The following PKD1L3 variants were observed in gnomAD, a reference collection of about 807,000 sequenced individuals.
PKD1L3 encodes polycystin 1 like 3, transient receptor potential channel interacting.
PKD1L3 carries 239 observed loss-of-function variants against 184.1 expected under a neutral mutation model. The ratio of observed to expected loss-of-function variants is 1.30; its 90% CI spans 1.17 to 1.45. The LOEUF (loss-of-function observed/expected upper bound fraction) is 1.45, where lower values mean the gene tolerates loss of function less well. PKD1L3 is among the 40% of genes most tolerant of loss of function. PKD1L3 has a pLI of 0.00. For missense variants in PKD1L3, 2,660 were observed against 2,067.2 expected, an observed-to-expected ratio of 1.29 and a Z score of -5.56; for synonymous variants, 996 against 778.8, an observed-to-expected ratio of 1.28 and a Z score of -4.64.
intron 3 of PKD1L3, among the ~76,000 whole-genome samples, chr16:71,991,626 C>G (rs562066978): frequency 2.6e-5 from 4 of 152,224 alleles, no homozygotes; most frequent in South Asian, 4.1e-4. Context: ...AGGAAAGACA[C>G]AGAGGGTAGG....
At chr16:71,973,663 G>GGAT in intron 11 of PKD1L3, 146 bp from the exon 12 acceptor site, 1 of 807,420 alleles carries the variant, frequency 1.2e-6, no homozygotes, top group Non-Finnish European at 1.9e-6. Context: ...AAAATGACCA[G>GGAT]TGATACAACC....
intron 3 of PKD1L3, 111 bp from the exon 4 acceptor site, chr16:71,990,440 T>A: frequency 2.2e-6 from 2 of 929,494 alleles, no homozygotes; most frequent in Non-Finnish European, 3.2e-6. Flanking sequence ...TTGTTTTACA[T>A]AGAAAACCAA....
intron 2 of PKD1L3, among the ~76,000 whole-genome samples, chr16:71,994,714 A>C (rs372152683): frequency 6.6e-6 from 1 of 152,038 alleles, no homozygotes; most frequent in Non-Finnish European, 1.5e-5. Flanking sequence ...TACAATGTTA[A>C]CAGGCTGGGT....
intron 14 of PKD1L3, 23 bp downstream of exon 14, chr16:71,967,883 T>G: frequency 1.3e-6 from 2 of 1,532,552 alleles, no homozygotes; most frequent in Non-Finnish European, 1.8e-6. Flanking sequence ...CAAGGCAATG[T>G]GAAAAACATT....
chr16:71,985,256 A>G (rs1045824890), intron 5 of PKD1L3, among the ~76,000 whole-genome samples: 1 of 152,194 alleles, frequency 6.6e-6, no homozygotes, highest in Non-Finnish European at 1.5e-5. Flanking sequence ...TCTCCCCCAA[A>G]TAGAACACTG....
Position 71,978,184 on chromosome 16 carries a change from G to T in PKD1L3, c.1527+71C>A, listed in dbSNP as rs2040001794. On this transcript the variant is annotated intron_variant, in intron 10 of 29. Coordinates refer to ENST00000620267, the MANE Select transcript of PKD1L3 (RefSeq NM_181536.2). Reference sequence around the variant, plus strand: ...AATCTAACATAATTCCCTTTAAGTTGTTGCATCCTTCCATCCTGTTGCAGA... The same window carrying T: ...AATCTAACATAATTCCCTTTAAGTTTTTGCATCCTTCCATCCTGTTGCAGA... The T allele has an allele frequency of 5.4e-6, 8 of 1,469,764 alleles. No homozygotes were observed. In the Admixed American group the frequency reaches 1.3e-4, roughly 23 times the overall value. The allele number at this position is 1,469,764 out of a possible 1,614,324, so 91.0% of individuals were successfully genotyped here.
rs1008412900 is a variant in PKD1L3 at position 71,946,743 on chromosome 16, T to C, written c.3718+749A>G. ...GGGCAGGCAAACAATTCAGTTTAAT[T>C]TGACATACTTGGAGGCATCTAGCTC... On this transcript the variant is annotated intron_variant, in intron 22 of 29. Transcript: ENST00000620267. 1.7e-4 allele frequency among the ~76,000 whole-genome samples: 15 copies of C among 86,360 alleles called. No homozygotes were observed. In the Admixed American group the frequency reaches 1.9e-3, roughly 11 times the overall value. The allele number at this position is 86,360 out of a possible 152,430, so 56.7% of individuals were successfully genotyped here. A position where few individuals can be genotyped will look rare whatever the true frequency, so the allele number is the denominator to read the frequency against.
In PKD1L3 at chr16:71,984,107, T is replaced by A; in HGVS notation, c.895A>T (p.Lys299Ter). ...AGGAACTCACAAGCTTCCTGTAGTT[T>A]GTTAAGAGCTTGCAAACCATGAACT... ...RAVHGLQALN[K>*]LQEACEFLQK... The change falls in exon 6 of 30, where the codon AAA becomes TAA. Residue 299 changes from lysine (K) to a stop codon, truncating the protein, a stop_gained. Transcript: ENST00000620267. LOFTEE classifies it high-confidence loss of function. The A allele has an allele frequency of 6.4e-7, 1 of 1,552,162 alleles. No homozygotes were observed. Among genetic ancestry groups the A allele is most frequent in the Non-Finnish European group, 8.7e-7 (1 of 1,147,064 alleles).
In PKD1L3 at chr16:71,970,165, A is replaced by G. The variant is rs139194709; in HGVS notation, c.1954-60T>C. The stretch of plus-strand genomic sequence containing the variant: ...ACAGAGTGCTAAGGAGGGGACAGAC[A>G]TAAAACAAACACCAGCAATTTAGAG... On this transcript the variant is annotated intron_variant, in intron 12 of 29. Coordinates refer to ENST00000620267, the MANE Select transcript of PKD1L3 (RefSeq NM_181536.2). 459 of 1,340,288 alleles carry G rather than the reference A, an allele frequency of 3.4e-4. No individual in the cohort carries two copies. The African/African-American group carries it at 5.8e-3, about 17-fold the overall frequency. The allele number at this position is 1,340,288 out of a possible 1,614,324, so 83.0% of individuals were successfully genotyped here.
intron 4 of PKD1L3, among the ~76,000 whole-genome samples, chr16:71,988,027 T>G (rs1448385696): frequency 1.3e-5 from 2 of 151,940 alleles, no homozygotes; most frequent in Non-Finnish European, 2.9e-5. Flanking sequence ...AGATGTTATT[T>G]TTAATGAGGC....
intron 4 of PKD1L3, among the ~76,000 whole-genome samples, chr16:71,986,911 A>T (rs146121529): frequency 0.012 from 1,464 of 120,232 alleles, 30 homozygotes; most frequent in African/African-American, 0.053. Flanking sequence ...TGGTAAGGAG[A>T]GGATTTTTTT....
chr16:71,999,945 A>T lies in PKD1L3; in HGVS notation c.34T>A (p.Tyr12Asn). 6.5e-7 allele frequency: 1 copy of T among 1,535,128 alleles called. No individual in the cohort carries two copies. The highest frequency in any genetic ancestry group is 8.8e-7 in the Non-Finnish European group (1 of 1,134,658). The change falls in exon 1 of 30, where the codon TAC (tyrosine) becomes AAC (asparagine). Residue 12 changes from tyrosine to asparagine, a missense_variant. Tyr to Asn is a moderately radical substitution (Grantham distance 143). Coordinates refer to ENST00000620267, the MANE Select transcript of PKD1L3 (RefSeq NM_181536.2). Reference protein sequence around the residue: ...FFKGGSWLWLYIRTSIILGSE... With the variant: ...FFKGGSWLWLNIRTSIILGSE... ...CCTAGAATAATACTTGTTCTGATGT[A>T]TAACCAAAGCCAGCTTCCTCCTTTG... is the stretch of plus-strand genomic sequence containing the variant.
At chr16:71,968,817 A>G (rs569792367) in intron 13 of PKD1L3, among the ~76,000 whole-genome samples, 1 of 152,224 alleles carries the variant, frequency 6.6e-6, no homozygotes, top group Admixed American at 6.5e-5. Context: ...GCTGGTCTTG[A>G]ACTCTTGACC....
rs116897143 is a variant in PKD1L3 at position 71,988,214 on chromosome 16, A to C, written c.586-1745T>G. On this transcript the variant is annotated intron_variant, in intron 4 of 29. Transcript: ENST00000620267. Reference sequence around the variant, plus strand: ...ATTTGTAAATTTTTTTTTTGTTTTGAAATCGTGTCTCCTTCTGTCACCCAG... The same window carrying C: ...ATTTGTAAATTTTTTTTTTGTTTTGCAATCGTGTCTCCTTCTGTCACCCAG... 2.4e-3 allele frequency among the ~76,000 whole-genome samples: 363 copies of C among 151,892 alleles called. 3 individuals are homozygous for C. The highest frequency in any genetic ancestry group is 0.024 in the East Asian group (122 of 5,170).
At position 71,943,022 on chromosome 16, in the gene PKD1L3, G is replaced by A. The variant is rs948929350; in HGVS notation, c.3862C>T (p.Gln1288Ter). 5.8e-6 allele frequency: 9 copies of A among 1,546,510 alleles called. No homozygotes were observed. Among genetic ancestry groups the A allele is most frequent in the South Asian group, 1.2e-5 (1 of 83,814 alleles). Reference sequence around the variant, plus strand: ...ATCAACAGGGTAAGGAAGAGGATTTGTACTTGTTTAGAAGAGGAAAAAAAT... The same window carrying A: ...ATCAACAGGGTAAGGAAGAGGATTTATACTTGTTTAGAAGAGGAAAAAAAT... The part of the protein sequence containing the change: ...LFKLTGDILV[Q>*]ILFLTLLMTA... Residue 1288 changes from glutamine to a stop codon, truncating the protein, a stop_gained and splice_region_variant, in exon 24 of 30, where the codon CAA (glutamine) becomes TAA (stop). Coordinates refer to ENST00000620267, the MANE Select transcript of PKD1L3 (RefSeq NM_181536.2). LOFTEE classifies it high-confidence loss of function.
chr16:71,957,584 G>C (rs995701733), intron 16 of PKD1L3, among the ~76,000 whole-genome samples: 1 of 152,048 alleles, frequency 6.6e-6, no homozygotes, highest in Non-Finnish European at 1.5e-5. Flanking sequence ...GATCATTTGA[G>C]GTCAGGAGTT....
intron 12 of PKD1L3, among the ~76,000 whole-genome samples, chr16:71,972,760 C>G (rs2039765893): frequency 6.6e-6 from 1 of 152,176 alleles, no homozygotes; most frequent in African/African-American, 2.4e-5. Flanking sequence ...GAACAGCTTG[C>G]TGATTTGCAA....
intron 24 of PKD1L3, among the ~76,000 whole-genome samples, chr16:71,941,743 C>G (rs1385635363): frequency 3.3e-5 from 5 of 151,744 alleles, no homozygotes; most frequent in Non-Finnish European, 7.4e-5. Flanking sequence ...AGCCACCATG[C>G]CTGGGTAATT....
In PKD1L3 at chr16:71,952,933, A is replaced by G. The variant is rs7204504; in HGVS notation, c.2970T>C (p.Asp990=). 17,461 of 1,550,902 alleles carry G rather than the reference A, an allele frequency of 0.011. 1,375 individuals are homozygous for G. The African/African-American group carries it at 0.19, about 17-fold the overall frequency. ...TGGCAGAGAGAGGCTCAACAGAAGC[A>G]TCTGAGAGGCAGGAGGCCTGGATGG... The part of the protein sequence containing the change: ...FPPIQASCLS[D]ASVEPLSATM... The change falls in exon 18 of 30, where the codon GAT becomes GAC. Residue 990 remains aspartate, a synonymous_variant. Transcript: ENST00000620267.
Sources: allele counts gnomAD v4.1 joint callset (sites outside exome capture counted in the v4.1 genomes callset), GRCh38; gene constraint gnomAD v4.1.1; transcripts MANE v1.5; gene names NCBI Gene and HGNC (gene_info 2026-07-23, HGNC 2026-07-21).